The following MAGI2 variants were observed in gnomAD, a reference collection of about 807,000 sequenced individuals.
MAGI2 encodes membrane-associated guanylate kinase, WW and PDZ domain-containing protein 2.
A neutral mutation model predicts 133.3 loss-of-function variants in MAGI2; 35 were observed. That is an observed-to-expected ratio of 0.26 (90% CI 0.20 to 0.35). The LOEUF (loss-of-function observed/expected upper bound fraction) is 0.35, where lower values mean the gene tolerates loss of function less well. Among genes scored for constraint, MAGI2 ranks in the 10% least tolerant of loss-of-function variants. The pLI is 1.00. For synonymous variants in MAGI2, 729 were observed against 710.6 expected, an observed-to-expected ratio of 1.03 and a Z score of -0.41; for missense variants, 1,636 against 1,863.4, an observed-to-expected ratio of 0.88 and a Z score of 2.25.
intron 2 of MAGI2, among the ~76,000 whole-genome samples, chr7:78,981,775 C>A (rs1804808477): frequency 6.6e-6 from 1 of 151,842 alleles, no homozygotes; most frequent in South Asian, 2.1e-4. Flanking sequence ...CTGTCTAGAA[C>A]CAATCTGAGC....
intron 2 of MAGI2, among the ~76,000 whole-genome samples, chr7:78,664,110 T>C (rs995860556): frequency 6.6e-5 from 10 of 152,144 alleles, no homozygotes; most frequent in Admixed American, 3.3e-4. Context: ...TATTTAGTCA[T>C]AGAGTCTATT....
At chr7:78,038,057 TC>T (rs1265483586) in intron 21 of MAGI2, among the ~76,000 whole-genome samples, 1 of 152,182 alleles carries the variant, frequency 6.6e-6, no homozygotes, top group Non-Finnish European at 1.5e-5. Context: ...TTTTCTTAGT[TC>T]CTTCTTCGTT....
intron 2 of MAGI2, among the ~76,000 whole-genome samples, chr7:78,949,289 T>G (rs1463917145): frequency 6.6e-6 from 1 of 152,196 alleles, no homozygotes; most frequent in Non-Finnish European, 1.5e-5. Flanking sequence ...TTATGCTTAT[T>G]ATTGCTTGCT....
intron 4 of MAGI2, among the ~76,000 whole-genome samples, chr7:78,510,099 T>C (rs1795440431): frequency 1.3e-5 from 2 of 152,168 alleles, no homozygotes; most frequent in South Asian, 4.1e-4. Flanking sequence ...TCAGGGAACA[T>C]ATTTGTAGTT....
At chr7:78,319,703 T>C (rs574216806) in intron 9 of MAGI2, among the ~76,000 whole-genome samples, 1 of 151,962 alleles carries the variant, frequency 6.6e-6, no homozygotes, top group East Asian at 1.9e-4. Context: ...CACCCTAACA[T>C]CACAATTAAA....
intron 1 of MAGI2, among the ~76,000 whole-genome samples, chr7:79,253,244 C>T (rs1833450347): frequency 2.0e-5 from 3 of 152,140 alleles, no homozygotes; most frequent in South Asian, 4.1e-4. Context: ...CAAGTTAGGA[C>T]AGAAGATGAG....
intron 5 of MAGI2, among the ~76,000 whole-genome samples, chr7:78,491,655 A>G (rs879221946): frequency 2.0e-5 from 3 of 151,990 alleles, no homozygotes; most frequent in African/African-American, 7.2e-5. Flanking sequence ...TTTTAGAAGG[A>G]TATAAAATAT....
Position 78,019,869 on chromosome 7 carries a change from G to A in MAGI2, c.3814C>T (p.Pro1272Ser), listed in dbSNP as rs1174406781. The change falls in exon 22 of 22, where the codon CCA becomes TCA. Residue 1272 changes from proline (P) to serine (S), a missense_variant. By Grantham distance (74) the Pro-to-Ser change is moderately conservative. Coordinates refer to ENST00000354212, the MANE Select transcript of MAGI2 (RefSeq NM_012301.4). ...ATCTGGTGGGAAGGGTCGGAGGGTGGGGCTGGATGTGATGGAGAGAATGGA... is the reference window on the plus strand; with the variant it reads ...ATCTGGTGGGAAGGGTCGGAGGGTGAGGCTGGATGTGATGGAGAGAATGGA... Reference protein sequence around the residue: ...LAPFSPSHPAPPSDPSHQISP... With the variant: ...LAPFSPSHPASPSDPSHQISP... The A allele has an allele frequency of 6.2e-7, 1 of 1,613,294 alleles. No homozygotes were observed. The highest frequency in any genetic ancestry group is 8.5e-7 in the Non-Finnish European group (1 of 1,179,810).
intron 1 of MAGI2, among the ~76,000 whole-genome samples, chr7:79,144,803 C>T (rs1822460838): frequency 6.6e-6 from 1 of 152,142 alleles, no homozygotes; most frequent in Non-Finnish European, 1.5e-5. Flanking sequence ...TAAAACTTCA[C>T]AGTTTGCCGT....
At chr7:79,441,594 G>A (rs1848499825) in intron 1 of MAGI2, among the ~76,000 whole-genome samples, 1 of 151,818 alleles carries the variant, frequency 6.6e-6, no homozygotes, top group East Asian at 1.9e-4. Flanking sequence ...ACAGTATTTT[G>A]CACATTCATA....
chr7:78,312,323 A>G (rs1468366374), intron 9 of MAGI2, among the ~76,000 whole-genome samples: 9 of 152,198 alleles, frequency 5.9e-5, no homozygotes, highest in Non-Finnish European at 8.8e-5. Flanking sequence ...AAGAATGAAC[A>G]TCAAACCTAA....
intron 1 of MAGI2, among the ~76,000 whole-genome samples, chr7:79,385,573 T>C (rs1275267456): frequency 7.6e-6 from 1 of 132,278 alleles, no homozygotes; most frequent in Non-Finnish European, 1.6e-5. Flanking sequence ...ATTTTTGACC[T>C]TATAAAAGTA....
chr7:78,526,939 C>T (rs1230185782), intron 3 of MAGI2, among the ~76,000 whole-genome samples: 1 of 125,970 alleles, frequency 7.9e-6, no homozygotes, highest in Non-Finnish European at 1.6e-5. Flanking sequence ...ACCTGGGAGG[C>T]AGAGGGTGCG....
In MAGI2 at chr7:79,416,550, G is replaced by A. The variant is rs545213876; in HGVS notation, c.301+36470C>T. 1.4e-4 allele frequency among the ~76,000 whole-genome samples: 21 copies of A among 151,986 alleles called. No individual in the cohort carries two copies. In the South Asian group the frequency reaches 3.1e-3, roughly 23 times the overall value. ...CACTTCTATGTGAGTGCTGTGTACC[G>A]AAATATATATGGGGAAATGATATGA... On this transcript the variant is annotated intron_variant, in intron 1 of 21. Transcript: ENST00000354212.
At chr7:79,147,447 G>T (rs1822754149) in intron 1 of MAGI2, among the ~76,000 whole-genome samples, 1 of 152,164 alleles carries the variant, frequency 6.6e-6, no homozygotes, top group African/African-American at 2.4e-5. Flanking sequence ...AAGCTCTGCA[G>T]GTTGAGAAAG....
chr7:78,672,146 A>G (rs2151074454), intron 2 of MAGI2, among the ~76,000 whole-genome samples: 1 of 152,228 alleles, frequency 6.6e-6, no homozygotes, highest in East Asian at 1.9e-4. Context: ...TCCATATTTC[A>G]TGTTCAATGT....
At chr7:78,520,123 G>C (rs1796370194) in intron 4 of MAGI2, among the ~76,000 whole-genome samples, 1 of 152,100 alleles carries the variant, frequency 6.6e-6, no homozygotes, top group Non-Finnish European at 1.5e-5. Flanking sequence ...AATGATGCTA[G>C]AGTCCATTAA....
chr7:78,844,459 G>C (rs1470598146), intron 2 of MAGI2, among the ~76,000 whole-genome samples: 1 of 151,844 alleles, frequency 6.6e-6, no homozygotes, highest in Admixed American at 6.6e-5. Context: ...ATACAATGGA[G>C]TATTATTTAA....
intron 1 of MAGI2, among the ~76,000 whole-genome samples, chr7:79,406,711 C>T (rs749172836): frequency 1.3e-5 from 2 of 152,044 alleles, no homozygotes; most frequent in Non-Finnish European, 2.9e-5. Context: ...TCTTTATCTT[C>T]CCTTGTTCAA....
Sources: allele counts gnomAD v4.1 joint callset (sites outside exome capture counted in the v4.1 genomes callset), GRCh38; gene constraint gnomAD v4.1.1; transcripts MANE v1.5; gene names NCBI Gene and HGNC (gene_info 2026-07-23, HGNC 2026-07-21).